The following ADAMTS8 variants were observed in gnomAD, a reference collection of about 807,000 sequenced individuals.
The protein encoded by ADAMTS8 is ADAM metallopeptidase with thrombospondin type 1 motif 8.
In ADAMTS8, 50 loss-of-function variants were observed where a neutral mutation model predicts 64.4. That is an observed-to-expected ratio of 0.78 (90% CI 0.62 to 0.98). The LOEUF (loss-of-function observed/expected upper bound fraction) is 0.98, where lower values mean the gene tolerates loss of function less well. Ranked by LOEUF, ADAMTS8 falls within the 50% of genes least tolerant of loss-of-function variation. The pLI is 0.00. For synonymous variants in ADAMTS8, 556 were observed against 533.6 expected, an observed-to-expected ratio of 1.04 and a Z score of -0.58; for missense variants, 1,192 against 1,208.2, an observed-to-expected ratio of 0.99 and a Z score of 0.20.
chr11:130,427,636 C>T lies in ADAMTS8; in HGVS notation c.651G>A (p.Glu217=). Residue 217 remains glutamate, a synonymous_variant, in exon 1 of 9, where the codon GAG becomes GAA. Coordinates refer to ENST00000257359, the MANE Select transcript of ADAMTS8 (RefSeq NM_007037.6). ...CCAGCAGCGTCTCCACGAAGCGCGC[C>T]TCAGACACAAACCGCTTGGTCCTAC... The part of the protein sequence containing the change: ...ATSRTKRFVS[E]ARFVETLLVA... 2 of 1,577,550 alleles carry T rather than the reference C, an allele frequency of 1.3e-6. No individual in the cohort carries two copies. Among genetic ancestry groups the T allele is most frequent in the Non-Finnish European group, 1.7e-6 (2 of 1,164,530 alleles).
chr11:130,409,521 C>T (rs944595687), intron 6 of ADAMTS8, among the ~76,000 whole-genome samples: 1 of 152,168 alleles, frequency 6.6e-6, no homozygotes, highest in Non-Finnish European at 1.5e-5. Context: ...CTGATCTTAC[C>T]ATGCCCAAGT....
In ADAMTS8 at chr11:130,411,114, C is replaced by T. The variant is rs1198203880; in HGVS notation, c.1750+303G>A. 6.6e-6 allele frequency among the ~76,000 whole-genome samples: 1 copy of T among 152,150 alleles called. No individual in the cohort carries two copies. Among genetic ancestry groups the T allele is most frequent in the East Asian group, 1.9e-4 (1 of 5,182 alleles). Reference sequence around the variant, plus strand: ...CAATAAGTTTGGTTGGGAGTGATGTCCTCCTCTCCACATCTTGGAAGATGA... The same window carrying T: ...CAATAAGTTTGGTTGGGAGTGATGTTCTCCTCTCCACATCTTGGAAGATGA... On this transcript the variant is annotated intron_variant, in intron 6 of 8. Transcript: ENST00000257359. The surrounding 1 kb of genome is among the most constrained non-coding windows in gnomAD (Gnocchi z 4.2).
intron 1 of ADAMTS8, among the ~76,000 whole-genome samples, chr11:130,424,824 C>G (rs1413457138): frequency 6.6e-6 from 1 of 152,160 alleles, no homozygotes; most frequent in Non-Finnish European, 1.5e-5. Flanking sequence ...GTCCTGGACA[C>G]AGCTGTACCT....
Position 130,408,907 on chromosome 11 carries a change from T to G in ADAMTS8, c.1784A>C (p.Tyr595Ser). The change falls in exon 7 of 9, where the codon TAT (tyrosine) becomes TCT (serine). Residue 595 changes from tyrosine (Y) to serine (S), a missense_variant. Tyr to Ser is a moderately radical substitution (Grantham distance 144). This residue lies in a region of ADAMTS8 where 290 missense variants were observed against 297.8 expected (regional missense o/e 0.97). Transcript: ENST00000257359. Reference sequence around the variant, plus strand: ...CATGTCAGTGTAATTGTAGGCATTATACTTCTCACACTGCTGCTCCCTGAA... The same window carrying G: ...CATGTCAGTGTAATTGTAGGCATTAGACTTCTCACACTGCTGCTCCCTGAA... ...KSFREQQCEK[Y>S]NAYNYTDMDG... is the part of the protein sequence containing the mutation. The G allele has an allele frequency of 6.3e-7, 1 of 1,589,596 alleles. No homozygotes were observed. Among genetic ancestry groups the G allele is most frequent in the South Asian group, 1.2e-5 (1 of 86,378 alleles).
At chr11:130,420,976 T>C (rs540204598) in intron 1 of ADAMTS8, among the ~76,000 whole-genome samples, 3 of 152,136 alleles carry the variant, frequency 2.0e-5, no homozygotes, top group Non-Finnish European at 4.4e-5. Context: ...CAGGGTCTGA[T>C]GGGCCAGGGA....
At position 130,428,068 on chromosome 11, in the gene ADAMTS8, G is replaced by A. The variant is rs773130660; in HGVS notation, c.219C>T (p.Ser73=). Residue 73 remains serine (S), a synonymous_variant, in exon 1 of 9, where the codon AGC becomes AGT. Transcript: ENST00000257359. The part of the protein sequence containing the change: ...GFVLRLAPDD[S]FLAPEFKIER... ...CGATCTTGAACTCGGGCGCTAGGAAGCTGTCGTCGGGCGCCAGGCGCAGCA... is the reference window on the plus strand; with the variant it reads ...CGATCTTGAACTCGGGCGCTAGGAAACTGTCGTCGGGCGCCAGGCGCAGCA... The A allele has an allele frequency of 1.3e-6, 2 of 1,535,822 alleles. No homozygotes were observed. The highest frequency in any genetic ancestry group is 8.7e-7 in the Non-Finnish European group (1 of 1,149,604).
rs1331614998 is a variant in ADAMTS8 at position 130,428,008 on chromosome 11, G to GC, written c.278dup (p.Glu94ArgfsTer106). 1 of 1,525,660 alleles carries GC rather than the reference G, an allele frequency of 6.6e-7. No homozygotes were observed. Among genetic ancestry groups the GC allele is most frequent in the Non-Finnish European group, 8.7e-7 (1 of 1,143,034 alleles). 94.5% of individuals were successfully genotyped at this position (1,525,660 alleles called of 1,614,324 possible). A position where few individuals can be genotyped will look rare whatever the true frequency, so the allele number is the denominator to read the frequency against. ...AGAAGCAGCCGCGCAGCCCCCGCTCGCCCCCGGTCGCCCGGCCGGAGCCCC... is the reference window on the plus strand; with the variant it reads ...AGAAGCAGCCGCGCAGCCCCCGCTCGCCCCCCGGTCGCCCGGCCGGAGCCCC... On this transcript the variant is annotated frameshift_variant, in exon 1 of 9. Coordinates refer to ENST00000257359, the MANE Select transcript of ADAMTS8 (RefSeq NM_007037.6). LOFTEE classifies it high-confidence loss of function.
rs1242599138 is a variant in ADAMTS8 at position 130,411,370 on chromosome 11, C to A, written c.1750+47G>T. The A allele has an allele frequency of 1.3e-6, 2 of 1,592,178 alleles. No homozygotes were observed. The highest frequency in any genetic ancestry group is 1.7e-6 in the Non-Finnish European group (2 of 1,167,852). Reference sequence around the variant, plus strand: ...CACATCCTCTGGGGATGCGTCATAGCAATGATAGTAGCTGCTCTGGCAGGG... The same window carrying A: ...CACATCCTCTGGGGATGCGTCATAGAAATGATAGTAGCTGCTCTGGCAGGG... On this transcript the variant is annotated intron_variant, in intron 6 of 8. Transcript: ENST00000257359. This position sits in a 1 kb window ranked among gnomAD's most constrained non-coding sequence, Gnocchi z 4.2.
rs1201529833 is a variant in ADAMTS8, at chr11:130,414,624, G to A, written c.1473C>T (p.Gly491=). ...GCGTGCCGTCAGCCCAGGGCAGGCT[G>A]CCATTCTTCGTGTGGCACAGGGGCT... The part of the protein sequence containing the change: ...GAEPLCHTKN[G]SLPWADGTPC... The change falls in exon 5 of 9, where the codon GGC becomes GGT. Residue 491 remains glycine, a synonymous_variant. Coordinates refer to ENST00000257359, the MANE Select transcript of ADAMTS8 (RefSeq NM_007037.6). The A allele has an allele frequency of 1.2e-6, 2 of 1,613,564 alleles. No individual in the cohort carries two copies. Among genetic ancestry groups the A allele is most frequent in the Non-Finnish European group, 1.7e-6 (2 of 1,180,036 alleles).
In ADAMTS8 at chr11:130,428,431, C is replaced by G. The variant is rs1283904911; in HGVS notation, c.-145G>C. On this transcript the variant is annotated 5_prime_UTR_variant, in exon 1 of 9. Coordinates refer to ENST00000257359, the MANE Select transcript of ADAMTS8 (RefSeq NM_007037.6). ...CAAGGCCGACTCGGCCCGCGGGGCC[C>G]GGCGGCGGGAGCGCTCCCCCGGCGG... 1.9e-6 allele frequency: 2 copies of G among 1,059,462 alleles called. No individual in the cohort carries two copies. Among genetic ancestry groups the G allele is most frequent in the Non-Finnish European group, 2.3e-6 (2 of 880,014 alleles). The allele number at this position is 1,059,462 out of a possible 1,614,324, so 65.6% of individuals were successfully genotyped here. A position where few individuals can be genotyped will look rare whatever the true frequency, so the allele number is the denominator to read the frequency against.
Position 130,416,074 on chromosome 11 carries a change from T to C in ADAMTS8, c.1264+89A>G, listed in dbSNP as rs1242134087. 8.4e-6 allele frequency: 12 copies of C among 1,421,114 alleles called. No homozygotes were observed. The highest frequency in any genetic ancestry group is 9.3e-6 in the Non-Finnish European group (10 of 1,072,820). 88.0% of individuals were successfully genotyped at this position (1,421,114 alleles called of 1,614,324 possible). ...CGGGGACTCAGCTCTAAGGGCCCTGTGAGGAGGCACAGCTGGAGGGGGTCT... is the reference window on the plus strand; with the variant it reads ...CGGGGACTCAGCTCTAAGGGCCCTGCGAGGAGGCACAGCTGGAGGGGGTCT... On this transcript the variant is annotated intron_variant, in intron 4 of 8. Coordinates refer to ENST00000257359, the MANE Select transcript of ADAMTS8 (RefSeq NM_007037.6). This position sits in a 1 kb window ranked among gnomAD's most constrained non-coding sequence, Gnocchi z 4.8.
In ADAMTS8 at chr11:130,419,188, A is replaced by G. The variant is rs141155441; in HGVS notation, c.825T>C (p.Asp275=). 1.2e-6 allele frequency: 2 copies of G among 1,614,068 alleles called. No homozygotes were observed. Among genetic ancestry groups the G allele is most frequent in the African/African-American group, 1.3e-5 (1 of 75,010 alleles). The change falls in exon 2 of 9, where the codon GAT becomes GAC. Residue 275 remains aspartate (D), a synonymous_variant. Transcript: ENST00000257359. ...CGGACACCTCTGGGCCCCATTTTTCATCTTCTACGATCAGCACTTTTACCA... is the reference window on the plus strand; with the variant it reads ...CGGACACCTCTGGGCCCCATTTTTCGTCTTCTACGATCAGCACTTTTACCA... ...LMVVKVLIVE[D]EKWGPEVSDN...
At position 130,427,779 on chromosome 11, in the gene ADAMTS8, C is replaced by T. The variant is rs1862191719; in HGVS notation, c.508G>A (p.Glu170Lys). The change falls in exon 1 of 9, where the codon GAG becomes AAG. Residue 170 changes from glutamate (E) to lysine (K), a missense_variant. By Grantham distance (56) the Glu-to-Lys change is moderately conservative. Around this residue, in one of 5 missense-constraint regions of ADAMTS8, gnomAD observed 741 missense variants for 710.6 expected, o/e 1.04. Coordinates refer to ENST00000257359, the MANE Select transcript of ADAMTS8 (RefSeq NM_007037.6). ...PLPRGPEWEV[E>K]TGEGQRQERG... ...TCCTGCCTCTGACCCTCTCCCGTCT[C>T]CACCTCCCACTCGGGTCCTCGCGGG... 6.3e-7 allele frequency: 1 copy of T among 1,590,702 alleles called. No homozygotes were observed. The highest frequency in any genetic ancestry group is 1.3e-5 in the African/African-American group (1 of 74,290).
At position 130,428,533 on chromosome 11, in the gene ADAMTS8, G is replaced by T. The variant is rs1185693667; in HGVS notation, c.-247C>A. 1.2e-6 allele frequency: 1 copy of T among 825,786 alleles called. No individual in the cohort carries two copies. Among genetic ancestry groups the T allele is most frequent in the Non-Finnish European group, 1.5e-6 (1 of 684,818 alleles). The allele number at this position is 825,786 out of a possible 1,614,324, so 51.2% of individuals were successfully genotyped here. Reference sequence around the variant, plus strand: ...GCGCGAGCAGCTGGCCCCGGCCCGCGTGCGCCCGTCCTCCGCCCCTGCCCG... The same window carrying T: ...GCGCGAGCAGCTGGCCCCGGCCCGCTTGCGCCCGTCCTCCGCCCCTGCCCG... On this transcript the variant is annotated 5_prime_UTR_variant, in exon 1 of 9. Transcript: ENST00000257359.
chr11:130,407,741 A>G (rs1861902282), intron 8 of ADAMTS8, among the ~76,000 whole-genome samples: 1 of 152,188 alleles, frequency 6.6e-6, no homozygotes, highest in African/African-American at 2.4e-5. Context: ...AGGACTTAGG[A>G]AAACTAGGTT....
intron 4 of ADAMTS8, among the ~76,000 whole-genome samples, chr11:130,415,134 C>T (rs968412761): frequency 1.4e-4 from 22 of 152,188 alleles, no homozygotes; most frequent in Non-Finnish European, 2.9e-4. Flanking sequence ...ACAACCTAAC[C>T]GTGCTCCTGA....
intron 5 of ADAMTS8, among the ~76,000 whole-genome samples, chr11:130,413,842 C>T (rs765960982): frequency 2.6e-4 from 39 of 152,184 alleles, no homozygotes; most frequent in Non-Finnish European, 4.3e-4. Flanking sequence ...ATTTATTCCG[C>T]GTGTCTCTGT....
rs1477964106 is a variant in ADAMTS8 at position 130,411,496 on chromosome 11, C to T, written c.1671G>A (p.Glu557=). The change falls in exon 6 of 9, where the codon GAG becomes GAA. Residue 557 remains glutamate (E), a synonymous_variant. Transcript: ENST00000257359. This position sits in a 1 kb window ranked among gnomAD's most constrained non-coding sequence, Gnocchi z 4.2. ...QFSHRECKDP[E]PQNGGRYCLG... ...GGCAGTATCTTCCTCCATTCTGAGGCTCGGGGTCCTTGCACTCACGGTGTG... is the reference window on the plus strand; with the variant it reads ...GGCAGTATCTTCCTCCATTCTGAGGTTCGGGGTCCTTGCACTCACGGTGTG... 2 of 1,614,082 alleles carry T rather than the reference C, an allele frequency of 1.2e-6. No individual in the cohort carries two copies. The highest frequency in any genetic ancestry group is 1.7e-6 in the Non-Finnish European group (2 of 1,180,048).
At chr11:130,415,249 C>A (rs1039154729) in intron 4 of ADAMTS8, among the ~76,000 whole-genome samples, 1 of 152,162 alleles carries the variant, frequency 6.6e-6, no homozygotes, top group Non-Finnish European at 1.5e-5. Flanking sequence ...TAGAATATTA[C>A]TTTACCAACA....
Sources: allele counts gnomAD v4.1 joint callset (sites outside exome capture counted in the v4.1 genomes callset), GRCh38; gene constraint gnomAD v4.1.1; regional missense constraint gnomAD v4.1.1; non-coding constraint Gnocchi (gnomAD v3.1); transcripts MANE v1.5; gene names NCBI Gene and HGNC (gene_info 2026-07-23, HGNC 2026-07-21).